Variants in COL21A1 observed in about 807,000 individuals in gnomAD.
The protein encoded by COL21A1 is collagen alpha-1(XXI) chain.
In COL21A1, 149 loss-of-function variants were observed where a neutral mutation model predicts 137.9. The ratio of observed to expected loss-of-function variants is 1.08; its 90% confidence interval spans 0.95 to 1.24. The LOEUF is 1.24. Ranked by LOEUF, COL21A1 falls within the 50% of genes most tolerant of loss-of-function variation. COL21A1 has a pLI of 0.00. For missense variants in COL21A1, 1,167 were observed against 1,158.4 expected, an observed-to-expected ratio of 1.01 and a Z score of -0.11; for synonymous variants, 456 against 391.5, an observed-to-expected ratio of 1.16 and a Z score of -1.95.
At chr6:56,281,028 A>T (rs1481895477) in intron 1 of COL21A1, among the ~76,000 whole-genome samples, 1 of 152,040 alleles carries the variant, frequency 6.6e-6, no homozygotes, top group East Asian at 1.9e-4. Context: ...AAAAAAAGTA[A>T]TTTACCCAAA....
At chr6:56,380,370 C>T (rs750478519) in intron 1 of COL21A1, among the ~76,000 whole-genome samples, 6 of 152,166 alleles carry the variant, frequency 3.9e-5, no homozygotes, top group Non-Finnish European at 7.4e-5. Context: ...TATAGCAATG[C>T]AAAATGGACT....
intron 1 of COL21A1, among the ~76,000 whole-genome samples, chr6:56,321,638 C>CACATT (rs1764870653): frequency 6.6e-6 from 1 of 152,164 alleles, no homozygotes; most frequent in Admixed American, 6.6e-5. Flanking sequence ...ACATCAACAA[C>CACATT]ACATTCGGCC....
chr6:56,133,667 G>A (rs983775190), intron 12 of COL21A1, among the ~76,000 whole-genome samples: 5 of 152,146 alleles, frequency 3.3e-5, no homozygotes, highest in Non-Finnish European at 7.4e-5. Context: ...GGCCTATGAG[G>A]AAAAAATGTT....
At chr6:56,229,664 A>G (rs934805823) in intron 1 of COL21A1, among the ~76,000 whole-genome samples, 1 of 151,838 alleles carries the variant, frequency 6.6e-6, no homozygotes, top group Non-Finnish European at 1.5e-5. Context: ...GAGTCTGAGG[A>G]GTATGGTCAT....
At chr6:56,158,253 C>CTTTTTTTTTTTT (rs59381031) in intron 9 of COL21A1, among the ~76,000 whole-genome samples, 1 of 104,908 alleles carries the variant, frequency 9.5e-6, no homozygotes, top group Non-Finnish European at 1.8e-5. Flanking sequence ...TGGGTTTTTT[C>CTTTTTTTTTTTT]TTTTTTTTTT....
intron 16 of COL21A1, among the ~76,000 whole-genome samples, chr6:56,108,019 T>TTGA (rs1269185629): frequency 2.0e-5 from 3 of 150,544 alleles, no homozygotes; most frequent in African/African-American, 7.3e-5. Context: ...CAACAAAGAG[T>TTGA]TGATGCTCAA....
At chr6:56,231,039 A>C (rs1192853914) in intron 1 of COL21A1, 1 of 151,850 alleles carries the variant, frequency 6.6e-6, no homozygotes, top group Non-Finnish European at 1.5e-5. Flanking sequence ...ATGCTTGCTG[A>C]CCAGCCAAGA....
intron 1 of COL21A1, among the ~76,000 whole-genome samples, chr6:56,388,797 A>G (rs1196035681): frequency 6.6e-6 from 1 of 152,236 alleles, no homozygotes; most frequent in Non-Finnish European, 1.5e-5. Context: ...TAAATAAGGC[A>G]CTAGTGACCA....
intron 1 of COL21A1, among the ~76,000 whole-genome samples, chr6:56,345,153 A>G (rs956479987): frequency 2.0e-5 from 3 of 152,204 alleles, no homozygotes; most frequent in Non-Finnish European, 4.4e-5. Context: ...TATCCTGATG[A>G]TGGTTATAAT....
intron 1 of COL21A1, among the ~76,000 whole-genome samples, chr6:56,255,141 A>T (rs1782935615): frequency 6.6e-6 from 1 of 152,212 alleles, no homozygotes; most frequent in South Asian, 2.1e-4. Flanking sequence ...GGCTCTTTCC[A>T]GCTCTAATTG....
chr6:56,202,638 C>T (rs1003271515), intron 1 of COL21A1, among the ~76,000 whole-genome samples: 1 of 152,144 alleles, frequency 6.6e-6, no homozygotes, highest in African/African-American at 2.4e-5. Flanking sequence ...ACTATCACAT[C>T]CCCATCTAAT....
chr6:56,344,568 G>C (rs1765546866), intron 1 of COL21A1, among the ~76,000 whole-genome samples: 2 of 152,134 alleles, frequency 1.3e-5, no homozygotes, highest in Admixed American at 1.3e-4. Flanking sequence ...TAATAAGTTG[G>C]ATGAGAGTTC....
intron 1 of COL21A1, among the ~76,000 whole-genome samples, chr6:56,387,087 T>A (rs982418641): frequency 6.6e-6 from 1 of 152,208 alleles, no homozygotes; most frequent in African/African-American, 2.4e-5. Context: ...TTAAAACTGA[T>A]GTTGCATGCG....
intron 15 of COL21A1, 60 bp from the exon 16 acceptor site, chr6:56,124,175 C>G (rs970351415): frequency 3.7e-5 from 57 of 1,536,268 alleles, no homozygotes; most frequent in Non-Finnish European, 4.6e-5. Flanking sequence ...TCTTTAAAGA[C>G]AGATACTATA....
chr6:56,166,209 T>C (rs996741172), intron 7 of COL21A1, among the ~76,000 whole-genome samples: 3 of 151,654 alleles, frequency 2.0e-5, no homozygotes, highest in South Asian at 2.1e-4. Flanking sequence ...ATGTACATTA[T>C]TATATTGTTA....
At chr6:56,305,491 C>A (rs936040952) in intron 1 of COL21A1, among the ~76,000 whole-genome samples, 1 of 152,086 alleles carries the variant, frequency 6.6e-6, no homozygotes, top group African/African-American at 2.4e-5. Flanking sequence ...TATGTAATGG[C>A]CTTCTTTATC....
At chr6:56,386,007 C>G (rs563334870) in intron 1 of COL21A1, among the ~76,000 whole-genome samples, 10 of 152,006 alleles carry the variant, frequency 6.6e-5, no homozygotes, top group African/African-American at 2.4e-4. Context: ...TCAAGCGATT[C>G]TCCTGCCTCA....
At chr6:56,204,468 C>T (rs1029843638) in intron 1 of COL21A1, among the ~76,000 whole-genome samples, 6 of 152,132 alleles carry the variant, frequency 3.9e-5, no homozygotes, top group Admixed American at 6.6e-5. Context: ...AAAACAAAGG[C>T]AGCAACCCCA....
At position 56,192,425 on chromosome 6, in the gene COL21A1, T is replaced by C. The variant is rs116021751; in HGVS notation, c.-38-9769A>G. Among the ~76,000 whole-genome samples the C allele has an allele frequency of 9.4e-3, 1,423 of 151,864 alleles. 13 individuals carry two copies. The highest frequency in any genetic ancestry group is 0.016 in the Non-Finnish European group (1,073 of 67,944). ...AGAATGGGAGATAATTTTTGAAATC[T>C]ATCCATCTATCCAACTGACAAAGGG... On this transcript the variant is annotated intron_variant, in intron 1 of 29. Coordinates refer to ENST00000244728, the MANE Select transcript of COL21A1 (RefSeq NM_030820.4).
Sources: gnomAD v4.1 joint callset for allele counts (sites outside exome capture counted in the v4.1 genomes callset) on GRCh38, gnomAD v4.1.1 for gene constraint, MANE v1.5 for transcripts, NCBI Gene and HGNC (gene_info 2026-07-23, HGNC 2026-07-21) for gene names.